Variants in CLIP1 observed in about 807,000 individuals in gnomAD.
CLIP1 encodes the protein CAP-Gly domain containing linker protein 1.
Under a neutral mutation model 161.6 loss-of-function variants are expected in CLIP1, and 66 were observed. The ratio of observed to expected loss-of-function variants is 0.41; its 90% CI spans 0.33 to 0.50. CLIP1 has a LOEUF of 0.50. Ranked by LOEUF, CLIP1 falls within the 20% of genes least tolerant of loss-of-function variation. The pLI is 0.27. For synonymous variants in CLIP1, 598 were observed against 626.2 expected, an observed-to-expected ratio of 0.96 and a Z score of 0.67; for missense variants, 1,376 against 1,702.0, an observed-to-expected ratio of 0.81 and a Z score of 3.37.
chr12:122,317,267 T>C (rs1342401873), intron 18 of CLIP1, among the ~76,000 whole-genome samples: 2 of 152,254 alleles, frequency 1.3e-5, no homozygotes, highest in Non-Finnish European at 2.9e-5. Context: ...CAAAGATTAG[T>C]GATTTAGGAT....
intron 1 of CLIP1, among the ~76,000 whole-genome samples, chr12:122,418,540 C>G (rs1033948920): frequency 6.6e-6 from 1 of 151,766 alleles, no homozygotes; most frequent in Non-Finnish European, 1.5e-5. Context: ...ATTGTTTGAG[C>G]CTAGGAGTTC....
Position 122,272,943 on chromosome 12 carries a change from G to A in CLIP1, c.4249C>T (p.Pro1417Ser). 1 of 1,614,144 alleles carries A rather than the reference G, an allele frequency of 6.2e-7. No individual in the cohort carries two copies. The highest frequency in any genetic ancestry group is 8.5e-7 in the Non-Finnish European group (1 of 1,180,034). Residue 1417 changes from proline (P) to serine (S), a missense_variant, in exon 26 of 26, where the codon CCA becomes TCA. This residue lies in a region of CLIP1 where 948 missense variants were observed against 1,134.8 expected (regional missense o/e 0.84). Transcript: ENST00000620786. Reference sequence around the variant, plus strand: ...AACATCTCACAGATTTCACAGTATGGGCGTTCCTCACCCCGACTGCCATGG... The same window carrying A: ...AACATCTCACAGATTTCACAGTATGAGCGTTCCTCACCCCGACTGCCATGG... ...THHGSRGEER[P>S]YCEICEMFGH...
At chr12:122,317,421 G>A (rs568847612) in intron 18 of CLIP1, among the ~76,000 whole-genome samples, 2 of 152,250 alleles carry the variant, frequency 1.3e-5, no homozygotes, top group Admixed American at 1.3e-4. Context: ...CATGTCGTGG[G>A]ACTGAAGGGC....
chr12:122,285,295 C>T (rs1955805121), intron 21 of CLIP1, among the ~76,000 whole-genome samples: 1 of 148,764 alleles, frequency 6.7e-6, no homozygotes, highest in Non-Finnish European at 1.5e-5. Flanking sequence ...GGCACGATCT[C>T]GGCTCACTAC....
At chr12:122,291,991 T>C (rs1380155466) in intron 20 of CLIP1, among the ~76,000 whole-genome samples, 3 of 151,936 alleles carry the variant, frequency 2.0e-5, no homozygotes, top group Admixed American at 1.3e-4. Context: ...TCATTTTCCA[T>C]TCATTCATTC....
At chr12:122,361,789 C>T (rs1953832012) in intron 4 of CLIP1, among the ~76,000 whole-genome samples, 1 of 152,142 alleles carries the variant, frequency 6.6e-6, no homozygotes, top group Admixed American at 6.5e-5. Context: ...CGAGATTGCA[C>T]CACTGTAGTC....
chr12:122,410,147 C>T (rs1956475997), intron 1 of CLIP1, among the ~76,000 whole-genome samples: 1 of 152,070 alleles, frequency 6.6e-6, no homozygotes, highest in Admixed American at 6.6e-5. Flanking sequence ...GCTGGGATTA[C>T]AGGCATGAGT....
chr12:122,275,480 T>G (rs1240818958), intron 24 of CLIP1: 1 of 151,840 alleles, frequency 6.6e-6, no homozygotes, highest in African/African-American at 2.4e-5. Flanking sequence ...GTGTGGTGGC[T>G]TACGCCTGTA....
chr12:122,404,841 A>G (rs184652369), intron 1 of CLIP1, among the ~76,000 whole-genome samples: 5,021 of 150,250 alleles, frequency 0.033, 115 homozygotes, highest in South Asian at 0.078. Flanking sequence ...CGGAGGTTGC[A>G]GTGAGCCAAG....
At chr12:122,410,813 A>G (rs1440819463) in intron 1 of CLIP1, among the ~76,000 whole-genome samples, 1 of 152,190 alleles carries the variant, frequency 6.6e-6, no homozygotes, top group Non-Finnish European at 1.5e-5. Context: ...TGTTTCTCCA[A>G]AGAAGCTATA....
intron 2 of CLIP1, among the ~76,000 whole-genome samples, chr12:122,379,736 G>A (rs1345292122): frequency 6.6e-6 from 1 of 151,768 alleles, no homozygotes; most frequent in African/African-American, 2.4e-5. Flanking sequence ...TTGAGGTCAG[G>A]AGTTCAAGAC....
intron 1 of CLIP1, among the ~76,000 whole-genome samples, chr12:122,384,760 C>CA (rs1176214498): frequency 4.9e-5 from 7 of 142,254 alleles, no homozygotes; most frequent in African/African-American, 1.8e-4. Context: ...GACTCCATCT[C>CA]AAAAAATAAA....
intron 3 of CLIP1, among the ~76,000 whole-genome samples, chr12:122,372,442 T>C (rs1593187047): frequency 7.0e-6 from 1 of 143,816 alleles, no homozygotes; most frequent in Non-Finnish European, 1.5e-5. Flanking sequence ...ATTAGTCGGG[T>C]GTGGTGGTGG....
At chr12:122,420,259 C>T (rs1956896133) in intron 1 of CLIP1, among the ~76,000 whole-genome samples, 2 of 151,644 alleles carry the variant, frequency 1.3e-5, no homozygotes, top group Middle Eastern at 3.4e-3. Context: ...GCAGGAGAAT[C>T]GCTTGAACCC....
At chr12:122,354,402 A>G (rs1367149013) in intron 7 of CLIP1, 51 bp downstream of exon 7, 8 of 1,469,560 alleles carry the variant, frequency 5.4e-6, no homozygotes, top group Non-Finnish European at 7.6e-6. Flanking sequence ...CTCAAAAACA[A>G]AAAAAAAGGG....
chr12:122,334,362 C>G (rs1327305788), intron 13 of CLIP1, among the ~76,000 whole-genome samples: 2 of 152,198 alleles, frequency 1.3e-5, no homozygotes, highest in Non-Finnish European at 2.9e-5. Context: ...TTTCCTCCTT[C>G]CAGTTAAAAC....
chr12:122,340,844 T>C lies in CLIP1; in HGVS notation c.2360A>G (p.Lys787Arg). The C allele has an allele frequency of 6.2e-7, 1 of 1,614,114 alleles. No homozygotes were observed. The highest frequency in any genetic ancestry group is 8.5e-7 in the Non-Finnish European group (1 of 1,179,988). The change falls in exon 11 of 26, where the codon AAA becomes AGA. Residue 787 changes from lysine (K) to arginine (R), a missense_variant. Lys to Arg is a conservative substitution (Grantham distance 26). Transcript: ENST00000620786. Reference protein sequence around the residue: ...DALRKASSEGKSEMKKLRQQL... With the variant: ...DALRKASSEGRSEMKKLRQQL... ...CTGTCTAAGTTTCTTCATTTCCGAT[T>C]TACCTTCGGAACTGGCTTTCCGAAG...
intron 17 of CLIP1, among the ~76,000 whole-genome samples, chr12:122,326,774 A>C (rs891671528): frequency 2.6e-5 from 4 of 152,180 alleles, no homozygotes; most frequent in Admixed American, 1.3e-4. Context: ...CAAAAAAAAA[A>C]CTGAAGTCTG....
intron 1 of CLIP1, among the ~76,000 whole-genome samples, chr12:122,381,651 C>A (rs542152224): frequency 2.0e-5 from 3 of 152,262 alleles, no homozygotes; most frequent in Non-Finnish European, 4.4e-5. Context: ...TTTTTCTCTG[C>A]GAGCAGAGCT....
Sources: allele counts gnomAD v4.1 joint callset (sites outside exome capture counted in the v4.1 genomes callset), GRCh38; gene constraint gnomAD v4.1.1; regional missense constraint gnomAD v4.1.1; transcripts MANE v1.5; gene names NCBI Gene and HGNC (gene_info 2026-07-23, HGNC 2026-07-21).